The following ANKMY2 variants were observed in gnomAD, a reference collection of about 807,000 sequenced individuals.
The protein encoded by ANKMY2 is ankyrin repeat and MYND domain containing 2.
ANKMY2 carries 36 observed loss-of-function variants against 50.4 expected under a neutral mutation model. The observed-to-expected ratio is 0.71, with a 90% CI of 0.55 to 0.94. The LOEUF (loss-of-function observed/expected upper bound fraction) is 0.94. ANKMY2 is among the 40% of genes least tolerant of loss of function. The pLI, the probability that ANKMY2 is intolerant of heterozygous loss-of-function variation, is 0.00. For synonymous variants in ANKMY2, 187 were observed against 178.8 expected (o/e 1.05, Z -0.36); for missense variants, 565 against 524.0 (o/e 1.08, Z -0.76).
intron 2 of ANKMY2, among the ~76,000 whole-genome samples, chr7:16,633,551 C>CA (rs1284770452): frequency 1.3e-5 from 2 of 151,694 alleles, no homozygotes; most frequent in African/African-American, 2.4e-5. Context: ...TATTTAGAGA[C>CA]AAAAAAACAA....
intron 4 of ANKMY2, among the ~76,000 whole-genome samples, chr7:16,616,383 T>C: frequency 6.8e-6 from 1 of 147,000 alleles, no homozygotes; most frequent in South Asian, 2.3e-4. Context: ...ACCCCCTAAA[T>C]TTGAGAAAAG....
Position 16,615,769 on chromosome 7 carries a change from G to A in ANKMY2, c.506C>T (p.Thr169Ile), listed in dbSNP as rs1781335007. ...KLAGPLHKII[T>I]TTNLHPVKIV... ...CTTGACAGGATGAAGATTCGTTGTG[G>A]TGATAATTTTGTGCAGCGGGCCTGC... is the stretch of plus-strand genomic sequence containing the variant. Residue 169 changes from threonine (T) to isoleucine (I), a missense_variant, in exon 5 of 10, where the codon ACC (threonine) becomes ATC (isoleucine). Physicochemically the swap from Thr to Ile is moderately conservative, Grantham distance 89. Coordinates refer to ENST00000306999, the MANE Select transcript of ANKMY2 (RefSeq NM_020319.3). 2 of 1,614,080 alleles carry A rather than the reference G, an allele frequency of 1.2e-6. No homozygotes were observed. Among genetic ancestry groups the A allele is most frequent in the African/African-American group, 2.7e-5 (2 of 74,930 alleles).
At chr7:16,631,628 T>G (rs527573594) in intron 2 of ANKMY2, among the ~76,000 whole-genome samples, 1 of 152,098 alleles carries the variant, frequency 6.6e-6, no homozygotes, top group East Asian at 1.9e-4. Flanking sequence ...CTTTTTTTTT[T>G]TTTTGAGACA....
chr7:16,612,606 T>G (rs1347589890), intron 5 of ANKMY2, among the ~76,000 whole-genome samples: 2 of 152,208 alleles, frequency 1.3e-5, no homozygotes, highest in African/African-American at 4.8e-5. Context: ...AACTTACAAG[T>G]GAGAATTCTT....
At chr7:16,609,591 T>A in intron 7 of ANKMY2, 39 bp downstream of exon 7, 1 of 1,557,616 alleles carries the variant, frequency 6.4e-7, no homozygotes, top group Non-Finnish European at 8.6e-7. Context: ...GGGAATTAGG[T>A]TTTACTGATA....
intron 4 of ANKMY2, among the ~76,000 whole-genome samples, chr7:16,617,849 C>A (rs2128343494): frequency 6.6e-6 from 1 of 151,744 alleles, no homozygotes; most frequent in Non-Finnish European, 1.5e-5. Flanking sequence ...TGCCTGTAGT[C>A]CCAGCTACTT....
chr7:16,633,113 T>A (rs1781611268), intron 2 of ANKMY2, among the ~76,000 whole-genome samples: 1 of 152,122 alleles, frequency 6.6e-6, no homozygotes, highest in South Asian at 2.1e-4. Context: ...TGTTTTATTA[T>A]TGAGTTGTAG....
intron 4 of ANKMY2, among the ~76,000 whole-genome samples, chr7:16,617,765 A>T (rs560426858): frequency 6.6e-6 from 1 of 152,230 alleles, no homozygotes; most frequent in East Asian, 1.9e-4. Flanking sequence ...CAGGAGGTGC[A>T]GACCAGCCTG....
chr7:16,616,018 T>C, intron 4 of ANKMY2, 114 bp from the exon 5 acceptor site: 1 of 1,012,566 alleles, frequency 9.9e-7, no homozygotes, highest in Non-Finnish European at 1.4e-6. Context: ...AATATCTTTA[T>C]TTTTCAGGAA....
At chr7:16,608,061 A>G (rs1170783556) in intron 7 of ANKMY2, among the ~76,000 whole-genome samples, 1 of 152,134 alleles carries the variant, frequency 6.6e-6, no homozygotes, top group Non-Finnish European at 1.5e-5. Context: ...GATCATAAGT[A>G]TGCATATGAG....
intron 1 of ANKMY2, among the ~76,000 whole-genome samples, chr7:16,636,808 G>A (rs1351245093): frequency 6.6e-6 from 1 of 152,128 alleles, no homozygotes; most frequent in Non-Finnish European, 1.5e-5. Context: ...ACCATCTGAA[G>A]CTTAAATTCC....
intron 2 of ANKMY2, among the ~76,000 whole-genome samples, chr7:16,628,899 C>T (rs1454973937): frequency 7.5e-6 from 1 of 133,514 alleles, no homozygotes; most frequent in East Asian, 2.2e-4. Context: ...ACAGAACTGG[C>T]CTCTAGTTTA....
At chr7:16,608,719 T>A (rs184668891) in intron 7 of ANKMY2, among the ~76,000 whole-genome samples, 2 of 152,146 alleles carry the variant, frequency 1.3e-5, no homozygotes, top group African/African-American at 4.8e-5. Context: ...ATAGAAAAGG[T>A]GGCTGGGCGC....
At chr7:16,636,070 C>A (rs1399679828) in intron 2 of ANKMY2, among the ~76,000 whole-genome samples, 3 of 151,874 alleles carry the variant, frequency 2.0e-5, no homozygotes, top group African/African-American at 7.3e-5. Flanking sequence ...CTTTGGGAGG[C>A]CAAGGCAGGA....
In ANKMY2 at chr7:16,609,717, C is replaced by A; in HGVS notation, c.795G>T (p.Lys265Asn). The change falls in exon 7 of 10, where the codon AAG becomes AAT. Residue 265 changes from lysine (K) to asparagine (N), a missense_variant. Coordinates refer to ENST00000306999, the MANE Select transcript of ANKMY2 (RefSeq NM_020319.3). ...ATTTTCTGATACTTTCTCTAATGAT[C>A]TTTTCTTGATACACTGGAAAGCCAT... Reference protein sequence around the residue: ...ASDGFPVYQEKIIRESIRKFP... With the variant: ...ASDGFPVYQENIIRESIRKFP... 1 of 1,611,632 alleles carries A rather than the reference C, an allele frequency of 6.2e-7. No homozygotes were observed. The highest frequency in any genetic ancestry group is 8.5e-7 in the Non-Finnish European group (1 of 1,179,350).
chr7:16,645,504 T>A lies in ANKMY2; in HGVS notation c.67+3A>T. 2 of 1,610,598 alleles carry A rather than the reference T, an allele frequency of 1.2e-6. No individual in the cohort carries two copies. The highest frequency in any genetic ancestry group is 2.2e-5 in the East Asian group (1 of 44,544). On this transcript the variant is annotated splice_donor_region_variant and intron_variant, in intron 1 of 9. Coordinates refer to ENST00000306999, the MANE Select transcript of ANKMY2 (RefSeq NM_020319.3). ...CGGCCGCGTCGCAGCCCAGCACCCG[T>A]ACCTTTCCCGATGACTTCCAGTAGC...
intron 1 of ANKMY2, among the ~76,000 whole-genome samples, chr7:16,637,933 A>C (rs1235825900): frequency 6.6e-6 from 1 of 152,260 alleles, no homozygotes; most frequent in African/African-American, 2.4e-5. Flanking sequence ...TTAAGATCAT[A>C]AACATTTGGC....
chr7:16,627,824 T>G (rs1781526370), intron 2 of ANKMY2, among the ~76,000 whole-genome samples: 1 of 151,002 alleles, frequency 6.6e-6, no homozygotes, highest in East Asian at 2.0e-4. Context: ...TAGGCTATAT[T>G]GTTTGGTCAA....
intron 2 of ANKMY2, among the ~76,000 whole-genome samples, chr7:16,628,613 C>T (rs913550997): frequency 1.1e-4 from 16 of 151,894 alleles, no homozygotes; most frequent in South Asian, 2.1e-4. Flanking sequence ...TACCATATCG[C>T]GAGCATGACT....
Sources: gnomAD v4.1 joint callset for allele counts (sites outside exome capture counted in the v4.1 genomes callset) on GRCh38, gnomAD v4.1.1 for gene constraint, MANE v1.5 for transcripts, NCBI Gene and HGNC (gene_info 2026-07-23, HGNC 2026-07-21) for gene names.